ACTR2: variants seen among roughly 807,000 people sequenced by gnomAD.
The protein encoded by ACTR2 is actin-related protein 2.
Under a neutral mutation model 50.2 loss-of-function variants are expected in ACTR2, and 5 were observed. The observed-to-expected ratio is 0.10, with a 90% CI of 0.05 to 0.21. The LOEUF (loss-of-function observed/expected upper bound fraction) is 0.21. Among genes scored for constraint, ACTR2 ranks in the 10% least tolerant of loss-of-function variants. The pLI is 1.00. For synonymous variants in ACTR2, 140 were observed against 162.9 expected (o/e 0.86, Z 1.07); for missense variants, 180 against 480.6 (o/e 0.37, Z 5.85).
intron 1 of ACTR2, among the ~76,000 whole-genome samples, chr2:65,236,286 C>T (rs1007300945): frequency 3.4e-5 from 5 of 148,890 alleles, no homozygotes; most frequent in Admixed American, 1.3e-4. Context: ...CAGTGAGCTG[C>T]GATGACGTCA....
intron 1 of ACTR2, among the ~76,000 whole-genome samples, chr2:65,231,011 G>A (rs958699849): frequency 2.0e-5 from 3 of 150,448 alleles, no homozygotes; most frequent in African/African-American, 7.4e-5. Context: ...CCAAGATCAC[G>A]CCACTGCACT....
At chr2:65,252,858 T>G (rs1052027802) in intron 4 of ACTR2, among the ~76,000 whole-genome samples, 3 of 152,066 alleles carry the variant, frequency 2.0e-5, no homozygotes, top group East Asian at 3.9e-4. Context: ...TCCCAGCCAC[T>G]TGAGAGGCTG....
chr2:65,235,754 CAATAA>C (rs916953965), intron 1 of ACTR2, among the ~76,000 whole-genome samples: 4 of 151,738 alleles, frequency 2.6e-5, no homozygotes, highest in Non-Finnish European at 5.9e-5. Flanking sequence ...GACTCAGTCT[CAATAA>C]AATAAAATAA....
intron 1 of ACTR2, among the ~76,000 whole-genome samples, chr2:65,234,869 G>A (rs532348999): frequency 2.0e-5 from 3 of 152,078 alleles, no homozygotes; most frequent in Middle Eastern, 3.4e-3. Context: ...TAATTTATAC[G>A]CATATAAGTG....
At chr2:65,260,880 G>A (rs56348718) in intron 6 of ACTR2, among the ~76,000 whole-genome samples, 1,678 of 151,732 alleles carry the variant, frequency 0.011, 27 homozygotes, top group African/African-American at 0.039. Context: ...ATAGGCGCCC[G>A]CCACCACACC....
intron 1 of ACTR2, among the ~76,000 whole-genome samples, chr2:65,235,428 G>A (rs181142910): frequency 2.6e-5 from 4 of 152,232 alleles, no homozygotes; most frequent in African/African-American, 9.6e-5. Flanking sequence ...GTTATCTATT[G>A]CATATGCTAT....
At chr2:65,257,121 C>T (rs1490579657) in intron 6 of ACTR2, among the ~76,000 whole-genome samples, 1 of 151,796 alleles carries the variant, frequency 6.6e-6, no homozygotes, top group African/African-American at 2.4e-5. Context: ...CCCAACAGGC[C>T]CCATGTGTGT....
chr2:65,265,355 C>A, intron 8 of ACTR2, 180 bp downstream of exon 8: 1 of 718,492 alleles, frequency 1.4e-6, no homozygotes, highest in Non-Finnish European at 2.3e-6. Flanking sequence ...CTGGTCACCT[C>A]TATAGAGTTG....
intron 1 of ACTR2, among the ~76,000 whole-genome samples, chr2:65,238,423 G>T (rs1671778512): frequency 6.6e-6 from 1 of 152,030 alleles, no homozygotes; most frequent in East Asian, 1.9e-4. Flanking sequence ...ACTTTGGGAG[G>T]CTGAGGCGGG....
intron 6 of ACTR2, among the ~76,000 whole-genome samples, chr2:65,256,407 A>G (rs993104543): frequency 6.6e-6 from 1 of 152,184 alleles, no homozygotes; most frequent in Non-Finnish European, 1.5e-5. Context: ...TCTTAAGCCT[A>G]TTAAATTTGT....
At chr2:65,233,653 C>T (rs866764546) in intron 1 of ACTR2, among the ~76,000 whole-genome samples, 6 of 151,356 alleles carry the variant, frequency 4.0e-5, no homozygotes, top group Admixed American at 2.0e-4. Flanking sequence ...ACTCTGTCTC[C>T]CAGGCTGGAG....
intron 1 of ACTR2, among the ~76,000 whole-genome samples, chr2:65,231,200 T>C (rs1172055715): frequency 6.6e-6 from 1 of 152,220 alleles, no homozygotes; most frequent in East Asian, 1.9e-4. Flanking sequence ...ATTTATCTGT[T>C]CTTATGCTTC....
At chr2:65,239,669 G>A (rs1418466783) in intron 1 of ACTR2, among the ~76,000 whole-genome samples, 183 bp from the exon 2 acceptor site, 1 of 152,208 alleles carries the variant, frequency 6.6e-6, no homozygotes, top group African/African-American at 2.4e-5. Flanking sequence ...CTGGAAGTAG[G>A]CAATGCCGTG....
At chr2:65,254,054 A>G (rs749462638) in intron 5 of ACTR2, among the ~76,000 whole-genome samples, 190 bp downstream of exon 5, 1 of 152,236 alleles carries the variant, frequency 6.6e-6, no homozygotes, top group African/African-American at 2.4e-5. Flanking sequence ...GATACATTAA[A>G]AACAAGGAAA....
chr2:65,255,818 G>A, intron 6 of ACTR2, 124 bp downstream of exon 6: 3 of 730,766 alleles, frequency 4.1e-6, no homozygotes, highest in Non-Finnish European at 4.1e-6. Flanking sequence ...ATATGTATAT[G>A]TGTGACTTTT....
intron 3 of ACTR2, among the ~76,000 whole-genome samples, chr2:65,247,583 G>A (rs1344361103): frequency 6.6e-6 from 1 of 151,816 alleles, no homozygotes; most frequent in African/African-American, 2.4e-5. Flanking sequence ...GCGAGACTCC[G>A]TCTCAAAAAA....
intron 3 of ACTR2, among the ~76,000 whole-genome samples, chr2:65,249,743 A>G (rs1362584591): frequency 6.6e-6 from 1 of 152,154 alleles, no homozygotes; most frequent in East Asian, 1.9e-4. Flanking sequence ...CCTGGGCTAC[A>G]GAGAATGAAC....
chr2:65,228,203 C>T, intron 1 of ACTR2: 1 of 399,612 alleles, frequency 2.5e-6, no homozygotes, highest in Non-Finnish European at 4.4e-6. Flanking sequence ...GAGACCGGCA[C>T]TGGACATGGA....
At chr2:65,229,220 C>T (rs531538318) in intron 1 of ACTR2, among the ~76,000 whole-genome samples, 1 of 152,148 alleles carries the variant, frequency 6.6e-6, no homozygotes, top group African/African-American at 2.4e-5. Context: ...GATTTCTAAC[C>T]ATTTTGATGT....
Sources: gnomAD v4.1 joint callset for allele counts (sites outside exome capture counted in the v4.1 genomes callset) on GRCh38, gnomAD v4.1.1 for gene constraint, MANE v1.5 for transcripts, NCBI Gene and HGNC (gene_info 2026-07-23, HGNC 2026-07-21) for gene names.